EXT1: variants seen among roughly 807,000 people sequenced by gnomAD.
EXT1 encodes exostosin-1.
EXT1 carries 20 observed loss-of-function variants against 82.5 expected under a neutral mutation model. The observed-to-expected ratio is 0.24, with a 90% CI of 0.17 to 0.35. The LOEUF is 0.35. Among genes scored for constraint, EXT1 ranks in the 10% least tolerant of loss-of-function variants. EXT1 has a pLI of 1.00. For missense variants in EXT1, 757 were observed against 936.5 expected, an observed-to-expected ratio of 0.81 and a Z score of 2.50; for synonymous variants, 348 against 350.8, an observed-to-expected ratio of 0.99 and a Z score of 0.09.
intron 1 of EXT1, among the ~76,000 whole-genome samples, chr8:117,964,907 T>C (rs1814777780): frequency 6.6e-6 from 1 of 152,130 alleles, no homozygotes; most frequent in Non-Finnish European, 1.5e-5. Flanking sequence ...CAAAGTGCTA[T>C]GATTACAGGC....
At chr8:117,919,262 T>G (rs1326742007) in intron 1 of EXT1, among the ~76,000 whole-genome samples, 10 of 151,930 alleles carry the variant, frequency 6.6e-5, no homozygotes, top group Admixed American at 5.9e-4. Context: ...CACATCCCAC[T>G]GTAGCCTCGA....
At position 118,089,837 on chromosome 8, in the gene EXT1, C is replaced by A. The variant is rs535736398; in HGVS notation, c.962+20248G>T. Among the ~76,000 whole-genome samples the A allele has an allele frequency of 1.5e-4, 23 of 152,134 alleles. 1 individual carries two copies. In the South Asian group the frequency reaches 4.6e-3, roughly 30 times the overall value. ...GAGGACAGGAAGCATGTGTGGTGTGCGCGTGCATGAGTATGTCTGCCTGTG... is the reference window on the plus strand; with the variant it reads ...GAGGACAGGAAGCATGTGTGGTGTGAGCGTGCATGAGTATGTCTGCCTGTG... On this transcript the variant is annotated intron_variant, in intron 1 of 10. Transcript: ENST00000378204.
intron 1 of EXT1, among the ~76,000 whole-genome samples, chr8:118,090,245 G>A (rs962908361): frequency 3.3e-5 from 5 of 152,000 alleles, no homozygotes; most frequent in African/African-American, 1.2e-4. Context: ...AACACAGGGA[G>A]ATCCCATCTC....
chr8:117,833,136 T>C (rs1240045149), intron 3 of EXT1, among the ~76,000 whole-genome samples: 1 of 152,154 alleles, frequency 6.6e-6, no homozygotes, highest in African/African-American at 2.4e-5. Context: ...TTTAAAACCA[T>C]TGTTAATGAT....
intron 1 of EXT1, among the ~76,000 whole-genome samples, chr8:117,853,661 T>G (rs1413342341): frequency 6.6e-6 from 1 of 152,208 alleles, no homozygotes; most frequent in Non-Finnish European, 1.5e-5. Context: ...TAGTTCATCT[T>G]ATCTGCTCTT....
At chr8:117,859,137 T>C (rs1812637296) in intron 1 of EXT1, among the ~76,000 whole-genome samples, 2 of 152,212 alleles carry the variant, frequency 1.3e-5, no homozygotes, top group Admixed American at 1.3e-4. Context: ...TAAATATAAC[T>C]TTTATATGTA....
chr8:118,012,761 T>C (rs189515743), intron 1 of EXT1, among the ~76,000 whole-genome samples: 287 of 152,294 alleles, frequency 1.9e-3, no homozygotes, highest in African/African-American at 6.7e-3. Context: ...GGACATTCAA[T>C]CTAACATTAA....
chr8:118,101,051 C>A (rs762791334), intron 1 of EXT1, among the ~76,000 whole-genome samples: 1 of 152,152 alleles, frequency 6.6e-6, no homozygotes, highest in Non-Finnish European at 1.5e-5. Flanking sequence ...ACTAAATGAA[C>A]CTCTGTTGTT....
At chr8:118,027,096 C>A (rs1816216746) in intron 1 of EXT1, among the ~76,000 whole-genome samples, 2 of 152,082 alleles carry the variant, frequency 1.3e-5, no homozygotes, top group South Asian at 2.1e-4. Context: ...GTAGTTCTAG[C>A]CCCAGAAAAT....
chr8:117,936,207 G>A (rs956516586), intron 1 of EXT1, among the ~76,000 whole-genome samples: 2 of 152,160 alleles, frequency 1.3e-5, no homozygotes, highest in African/African-American at 4.8e-5. Flanking sequence ...CTTGAAGACT[G>A]GAATTTCCCT....
intron 1 of EXT1, among the ~76,000 whole-genome samples, chr8:117,930,809 T>C (rs930826846): frequency 6.6e-6 from 1 of 152,192 alleles, no homozygotes; most frequent in African/African-American, 2.4e-5. Context: ...GCAGGATACA[T>C]GTCACAAAGA....
intron 1 of EXT1, among the ~76,000 whole-genome samples, chr8:117,980,209 TA>T (rs1428381745): frequency 1.3e-5 from 2 of 152,278 alleles, no homozygotes; most frequent in East Asian, 3.9e-4. Context: ...GCCTGAGTGA[TA>T]ATATGAGAAA....
rs147258460 is a variant in EXT1 at position 118,104,403 on chromosome 8, G to T, written c.962+5682C>A. Among the ~76,000 whole-genome samples the T allele has an allele frequency of 2.6e-5, 4 of 152,240 alleles. No homozygotes were observed. The East Asian group carries it at 7.7e-4, about 29-fold the overall frequency. ...AAGCATGTACATGTTCCATGCAGGG[G>T]GCTGGCACACCTGTTCTGATGACAT... On this transcript the variant is annotated intron_variant, in intron 1 of 10. Transcript: ENST00000378204.
chr8:118,045,006 T>G (rs530071231), intron 1 of EXT1, among the ~76,000 whole-genome samples: 1 of 152,250 alleles, frequency 6.6e-6, no homozygotes, highest in Non-Finnish European at 1.5e-5. Context: ...CGATACTATA[T>G]AAGCAAAGAT....
chr8:117,830,302 AAGTGCTAGGAT>A lies in EXT1; in HGVS notation c.1201_1211del (p.Ile401Ter). 6.2e-7 allele frequency: 1 copy of A among 1,614,056 alleles called. No homozygotes were observed. The highest frequency in any genetic ancestry group is 8.5e-7 in the Non-Finnish European group (1 of 1,179,950). ...CCCACAAGAATTGTGTCTGCTGTCTAAGTGCTAGGATTTTATCCTGATGAATAGACCTGATT... is the reference window on the plus strand; with the variant it reads ...CCCACAAGAATTGTGTCTGCTGTCTATTTATCCTGATGAATAGACCTGATT... On this transcript the variant is annotated frameshift_variant, in exon 4 of 11. Coordinates refer to ENST00000378204, the MANE Select transcript of EXT1 (RefSeq NM_000127.3). LOFTEE classifies it high-confidence loss of function.
chr8:118,108,303 T>C (rs949138244), intron 1 of EXT1, among the ~76,000 whole-genome samples: 2 of 152,190 alleles, frequency 1.3e-5, no homozygotes, highest in Non-Finnish European at 2.9e-5. Flanking sequence ...TTTAGAAGGA[T>C]GAAGAACAGA....
chr8:117,910,640 T>C (rs1267528204), intron 1 of EXT1, among the ~76,000 whole-genome samples: 1 of 152,112 alleles, frequency 6.6e-6, no homozygotes, highest in Non-Finnish European at 1.5e-5. Context: ...GAACAGAGAA[T>C]CAATTATATG....
chr8:118,078,737 G>C (rs1302674026), intron 1 of EXT1, among the ~76,000 whole-genome samples: 1 of 152,020 alleles, frequency 6.6e-6, no homozygotes, highest in Admixed American at 6.6e-5. Context: ...TTCATAAATA[G>C]GGAAATATGA....
At chr8:118,030,298 G>A (rs1298343630) in intron 1 of EXT1, among the ~76,000 whole-genome samples, 1 of 150,982 alleles carries the variant, frequency 6.6e-6, no homozygotes, top group Non-Finnish European at 1.5e-5. Context: ...GACACAAGAG[G>A]CTGAGAGAAG....
Sources: allele counts gnomAD v4.1 joint callset (sites outside exome capture counted in the v4.1 genomes callset), GRCh38; gene constraint gnomAD v4.1.1; transcripts MANE v1.5; gene names NCBI Gene and HGNC (gene_info 2026-07-23, HGNC 2026-07-21).